Variants in CPB2 observed in about 807,000 individuals in gnomAD.
CPB2 encodes the protein carboxypeptidase B2, also known as carboxypeptidase B-like protein.
Under a neutral mutation model 57.0 loss-of-function variants are expected in CPB2, and 54 were observed. That is an observed-to-expected ratio of 0.95 (90% CI 0.76 to 1.19). The LOEUF (loss-of-function observed/expected upper bound fraction) is 1.19. Ranked by LOEUF, CPB2 falls within the 50% of genes most tolerant of loss-of-function variation. The probability of loss-of-function intolerance (pLI) is 0.00; values close to 1 mark genes in which losing one functional copy is unlikely to be tolerated. For missense variants in CPB2, 426 were observed against 512.0 expected (o/e 0.83, Z 1.62); for synonymous variants, 189 against 178.1 (o/e 1.06, Z -0.49).
At chr13:46,077,248 T>A (rs1442719564) in intron 5 of CPB2, among the ~76,000 whole-genome samples, 5 of 151,976 alleles carry the variant, frequency 3.3e-5, no homozygotes, top group Non-Finnish European at 7.4e-5. Flanking sequence ...TAATCCAATT[T>A]TAAAAATGAG....
chr13:46,063,975 G>T (rs2139357660), intron 8 of CPB2, among the ~76,000 whole-genome samples: 1 of 151,996 alleles, frequency 6.6e-6, no homozygotes, highest in South Asian at 2.1e-4. Context: ...AAAATGAGGG[G>T]TCCAGGCCAG....
Position 46,082,499 on chromosome 13 carries a change from T to A in CPB2, c.326A>T (p.Asp109Val). The A allele has an allele frequency of 2.5e-6, 4 of 1,613,868 alleles. No homozygotes were observed. Among genetic ancestry groups the A allele is most frequent in the Non-Finnish European group, 3.4e-6 (4 of 1,179,804 alleles). ...EDLIQQQISN[D>V]TVSPRASASY... ...TGCGGAGGCTCGGGGGCTGACTGTG[T>A]CGTTGGAAATCTGCTGTTGAATAAG... is the stretch of plus-strand genomic sequence containing the variant. Residue 109 changes from aspartate (D) to valine (V), a missense_variant, in exon 4 of 11, where the codon GAC (aspartate) becomes GTC (valine). By Grantham distance (152) the Asp-to-Val change is radical. Coordinates refer to ENST00000181383, the MANE Select transcript of CPB2 (RefSeq NM_001872.5).
intron 1 of CPB2, chr13:46,094,935 A>G (rs2045344739): frequency 6.6e-6 from 1 of 152,208 alleles, no homozygotes; most frequent in Non-Finnish European, 1.5e-5. Flanking sequence ...AACTGTATAA[A>G]AAAAGAATCT....
intron 5 of CPB2, among the ~76,000 whole-genome samples, chr13:46,077,518 G>T (rs534123680): frequency 6.6e-6 from 1 of 152,194 alleles, no homozygotes; most frequent in African/African-American, 2.4e-5. Context: ...CCATGTGGAG[G>T]TTCCTCAAAA....
chr13:46,060,475 CAA>C lies in CPB2; in HGVS notation c.797-2096_797-2095del, dbSNP rs527554941. Among the ~76,000 whole-genome samples, 328 of 126,950 alleles carry C rather than the reference CAA, an allele frequency of 2.6e-3. 3 individuals are homozygous for C. The highest frequency in any genetic ancestry group is 0.022 in the South Asian group (89 of 4,066). 83.3% of individuals were successfully genotyped at this position (126,950 alleles called of 152,430 possible). A position where few individuals can be genotyped will look rare whatever the true frequency, so the allele number is the denominator to read the frequency against. On this transcript the variant is annotated intron_variant, in intron 8 of 10. Transcript: ENST00000181383. ...AGACCCTGCCACACACACACACACA[CAA>C]AAAGAAATATGTGAGATTAATTCAA...
intron 1 of CPB2, chr13:46,094,951 G>C (rs1039804216): frequency 6.6e-6 from 1 of 152,124 alleles, no homozygotes; most frequent in Admixed American, 6.6e-5. Flanking sequence ...AATCTAAAAA[G>C]ATCATGACTC....
intron 1 of CPB2, among the ~76,000 whole-genome samples, chr13:46,090,185 G>T (rs2045270787): frequency 6.6e-6 from 1 of 150,548 alleles, no homozygotes. Flanking sequence ...CTCTTGTCTT[G>T]ATCCTTTGCT....
At chr13:46,090,496 G>A (rs558647593) in intron 1 of CPB2, among the ~76,000 whole-genome samples, 1 of 151,394 alleles carries the variant, frequency 6.6e-6, no homozygotes, top group Non-Finnish European at 1.5e-5. Context: ...CTGAGTAGCT[G>A]GGATTACAGG....
At chr13:46,080,247 T>C (rs1428602731) in intron 4 of CPB2, among the ~76,000 whole-genome samples, 1 of 152,228 alleles carries the variant, frequency 6.6e-6, no homozygotes, top group Non-Finnish European at 1.5e-5. Context: ...ATTTAAGATC[T>C]CCTGGTGTGA....
intron 6 of CPB2, among the ~76,000 whole-genome samples, chr13:46,070,657 A>G (rs2044926614): frequency 6.6e-6 from 1 of 152,216 alleles, no homozygotes; most frequent in Admixed American, 6.5e-5. Flanking sequence ...GGTTGCTAAA[A>G]AAAAATATAA....
chr13:46,082,179 C>T (rs1018432583), intron 4 of CPB2, among the ~76,000 whole-genome samples: 1 of 152,080 alleles, frequency 6.6e-6, no homozygotes, highest in Non-Finnish European at 1.5e-5. Flanking sequence ...TCTGTTGTTC[C>T]ATAGCATAAA....
intron 10 of CPB2, among the ~76,000 whole-genome samples, chr13:46,054,262 A>G (rs1482553655): frequency 6.6e-6 from 1 of 152,186 alleles, no homozygotes; most frequent in Non-Finnish European, 1.5e-5. Flanking sequence ...TATATTTCCT[A>G]TCAATTGTCC....
intron 1 of CPB2, among the ~76,000 whole-genome samples, chr13:46,092,613 G>C (rs2045308998): frequency 6.6e-6 from 1 of 152,178 alleles, no homozygotes. Flanking sequence ...AGGGATGTCT[G>C]GGTGTGTAAG....
At chr13:46,099,671 G>A (rs1194581031) in intron 1 of CPB2, 1 of 152,156 alleles carries the variant, frequency 6.6e-6, no homozygotes, top group African/African-American at 2.4e-5. Context: ...ATTGTGCTAA[G>A]TGCTTTACAG....
At chr13:46,081,861 C>T (rs188703221) in intron 4 of CPB2, among the ~76,000 whole-genome samples, 4 of 152,222 alleles carry the variant, frequency 2.6e-5, no homozygotes, top group Non-Finnish European at 1.5e-5. Context: ...GAGGTCTCAC[C>T]TGCACATCAA....
intron 10 of CPB2, among the ~76,000 whole-genome samples, chr13:46,054,166 C>T (rs927038274): frequency 2.6e-5 from 4 of 152,080 alleles, no homozygotes; most frequent in African/African-American, 4.8e-5. Context: ...ATTTTATGGG[C>T]GAAAAATAAT....
At position 46,084,471 on chromosome 13, in the gene CPB2, C is replaced by T. The variant is rs529027861; in HGVS notation, c.151-128G>A. ...AAGGACACTCCCTGGTGCTGGTCCCCATCCACACACATGGTAATATAAACA... is the reference window on the plus strand; with the variant it reads ...AAGGACACTCCCTGGTGCTGGTCCCTATCCACACACATGGTAATATAAACA... On this transcript the variant is annotated intron_variant, in intron 2 of 10. Coordinates refer to ENST00000181383, the MANE Select transcript of CPB2 (RefSeq NM_001872.5). 3.6e-5 allele frequency: 30 copies of T among 841,872 alleles called. No individual in the cohort carries two copies. The African/African-American group carries it at 4.7e-4, about 13-fold the overall frequency. The allele number at this position is 841,872 out of a possible 1,614,324, so 52.2% of individuals were successfully genotyped here.
At chr13:46,070,572 C>G (rs1023671364) in intron 6 of CPB2, among the ~76,000 whole-genome samples, 1 of 151,972 alleles carries the variant, frequency 6.6e-6, no homozygotes, top group Non-Finnish European at 1.5e-5. Flanking sequence ...AACAACAATT[C>G]CTGCCTAGGA....
intron 1 of CPB2, among the ~76,000 whole-genome samples, chr13:46,090,102 T>C (rs547579131): frequency 3.9e-5 from 6 of 152,318 alleles, no homozygotes; most frequent in Admixed American, 3.9e-4. Flanking sequence ...TAGCTTCATA[T>C]TACATCCTAA....
Sources: gnomAD v4.1 joint callset for allele counts (sites outside exome capture counted in the v4.1 genomes callset) on GRCh38, gnomAD v4.1.1 for gene constraint, MANE v1.5 for transcripts, NCBI Gene and HGNC (gene_info 2026-07-23, HGNC 2026-07-21) for gene names.